Variants in ZNF74 observed in about 807,000 individuals in gnomAD.
ZNF74 encodes zinc finger protein 520.
Under a neutral mutation model 17.7 loss-of-function variants are expected in ZNF74, and 12 were observed. The ratio of observed to expected loss-of-function variants is 0.68; its 90% CI spans 0.43 to 1.10. The LOEUF is 1.10. Ranked by LOEUF, ZNF74 falls within the 50% of genes least tolerant of loss-of-function variation. The pLI is 0.00. For missense variants in ZNF74, 811 were observed against 881.0 expected (o/e 0.92, Z 1.01); for synonymous variants, 358 against 362.1 (o/e 0.99, Z 0.13).
rs2052437651 is a variant in ZNF74, at chr22:20,406,852, G to C, written c.1819G>C (p.Asp607His). 1 of 1,613,998 alleles carries C rather than the reference G, an allele frequency of 6.2e-7. No individual in the cohort carries two copies. Among genetic ancestry groups the C allele is most frequent in the African/African-American group, 1.3e-5 (1 of 74,934 alleles). Residue 607 changes from aspartate (D) to histidine (H), a missense_variant, in exon 5 of 5, where the codon GAT (aspartate) becomes CAT (histidine). Around this residue, in one of 3 missense-constraint regions of ZNF74, gnomAD observed 115 missense variants for 119.5 expected, o/e 0.96. Transcript: ENST00000400451. The part of the protein sequence containing the change: ...YVPGSLLGAG[D>H]AGLRDVDPID... ...GCCTGGCAGCCTGCTGGGTGCAGGG[G>C]ATGCTGGACTGAGGGACGTGGATCC...
rs1159190798 is a variant in ZNF74 at position 20,406,794 on chromosome 22, G to A, written c.1761G>A (p.Gln587=). The A allele has an allele frequency of 3.7e-6, 6 of 1,614,000 alleles. No individual in the cohort carries two copies. Among genetic ancestry groups the A allele is most frequent in the Admixed American group, 3.3e-5 (2 of 60,004 alleles). The change falls in exon 5 of 5, where the codon CAG becomes CAA. Residue 587 remains glutamine, a synonymous_variant. Transcript: ENST00000400451. ...LHSEGKPLAI[Q]FNKHLLSTYY... Reference sequence around the variant, plus strand: ...GCGAGGGGAAGCCCTTGGCCATCCAGTTCAACAAACACCTGCTCAGCACAT... The same window carrying A: ...GCGAGGGGAAGCCCTTGGCCATCCAATTCAACAAACACCTGCTCAGCACAT...
chr22:20,394,767 T>TA, intron 1 of ZNF74, 105 bp downstream of exon 1: 1 of 1,240,886 alleles, frequency 8.1e-7, no homozygotes, highest in Non-Finnish European at 1.2e-6. Flanking sequence ...GCATCTTTTT[T>TA]TTTTTTTTTA....
chr22:20,397,991 T>C (rs1052127308), intron 2 of ZNF74, among the ~76,000 whole-genome samples: 1 of 152,182 alleles, frequency 6.6e-6, no homozygotes, highest in Non-Finnish European at 1.5e-5. Flanking sequence ...GCCCACTGCA[T>C]TGAATTCATT....
chr22:20,404,774 C>G (rs1190810140), intron 4 of ZNF74, among the ~76,000 whole-genome samples: 1 of 152,100 alleles, frequency 6.6e-6, no homozygotes, highest in South Asian at 2.1e-4. Context: ...TGTGGGGAGC[C>G]CTTTTTTCCT....
intron 1 of ZNF74, 99 bp downstream of exon 1, chr22:20,394,761 C>CTTTTTTT: frequency 2.2e-6 from 2 of 910,088 alleles, no homozygotes; most frequent in Non-Finnish European, 3.3e-6. Flanking sequence ...CATCCAGCAT[C>CTTTTTTT]TTTTTTTTTT....
chr22:20,398,362 A>G (rs1268817546), intron 2 of ZNF74, among the ~76,000 whole-genome samples: 1 of 150,302 alleles, frequency 6.7e-6, no homozygotes, highest in Non-Finnish European at 1.5e-5. Flanking sequence ...GTTACCAAGC[A>G]TTGAGACATA....
chr22:20,404,261 G>A (rs369269305), intron 4 of ZNF74, among the ~76,000 whole-genome samples: 62 of 152,352 alleles, frequency 4.1e-4, no homozygotes, highest in African/African-American at 1.5e-3. Flanking sequence ...TGACAGAGGA[G>A]ACACATCCAA....
chr22:20,405,401 C>A lies in ZNF74; in HGVS notation c.368C>A (p.Ser123Tyr), dbSNP rs1326442509. ...CPEWELKAVP[S>Y]QQQGICKEEP... ...GAATGGGAGCTGAAGGCGGTGCCCT[C>A]TCAACAGCAGGGCATTTGCAAAGAA... The change falls in exon 5 of 5, where the codon TCT (serine) becomes TAT (tyrosine). Residue 123 changes from serine (S) to tyrosine (Y), a missense_variant. This residue lies in a region of ZNF74 where 666 missense variants were observed against 702.3 expected (regional missense o/e 0.95). Coordinates refer to ENST00000400451, the MANE Select transcript of ZNF74 (RefSeq NM_003426.4). 7 of 1,611,474 alleles carry A rather than the reference C, an allele frequency of 4.3e-6. No individual in the cohort carries two copies.
At chr22:20,395,485 C>G (rs941870112) in intron 2 of ZNF74, 67 bp downstream of exon 2, 1 of 1,299,662 alleles carries the variant, frequency 7.7e-7, no homozygotes, top group African/African-American at 1.4e-5. Context: ...AGCCCTGGAT[C>G]GTCAGCCTTC....
chr22:20,394,515 G>T lies in ZNF74; in HGVS notation c.-114G>T, dbSNP rs1389013586. ...CTGTGAGCGCGTGGCCGCCCCGCGG[G>T]GCTCCGCTGCAGGCCCCTCAGCCCC... On this transcript the variant is annotated 5_prime_UTR_variant, in exon 1 of 5. Transcript: ENST00000400451. 1.8e-6 allele frequency: 2 copies of T among 1,139,664 alleles called. No homozygotes were observed. Among genetic ancestry groups the T allele is most frequent in the Admixed American group, 2.1e-5 (1 of 48,090 alleles). The allele number at this position is 1,139,664 out of a possible 1,614,324, so 70.6% of individuals were successfully genotyped here.
At chr22:20,397,185 C>A (rs2052304825) in intron 2 of ZNF74, among the ~76,000 whole-genome samples, 1 of 151,946 alleles carries the variant, frequency 6.6e-6, no homozygotes, top group Non-Finnish European at 1.5e-5. Flanking sequence ...CAAGCAAATC[C>A]CCCACCTCGG....
chr22:20,396,767 T>C (rs2052298444), intron 2 of ZNF74, among the ~76,000 whole-genome samples: 1 of 152,220 alleles, frequency 6.6e-6, no homozygotes, highest in Non-Finnish European at 1.5e-5. Flanking sequence ...CAGTTCAAGT[T>C]GTTCTGTCTC....
chr22:20,394,761 CT>C (rs112010963), intron 1 of ZNF74, 99 bp downstream of exon 1: 110,267 of 891,774 alleles, frequency 0.12, 355 homozygotes, highest in East Asian at 0.17. Flanking sequence ...CATCCAGCAT[CT>C]TTTTTTTTTT....
chr22:20,399,475 C>T, intron 2 of ZNF74: 1 of 251,796 alleles, frequency 4.0e-6, no homozygotes, highest in Non-Finnish European at 7.9e-6. Flanking sequence ...CTGTAGCTTG[C>T]TTTTTGAATT....
At position 20,406,484 on chromosome 22, in the gene ZNF74, A is replaced by G. The variant is rs1015862957; in HGVS notation, c.1451A>G (p.His484Arg). The change falls in exon 5 of 5, where the codon CAC becomes CGC. Residue 484 changes from histidine to arginine, a missense_variant. Around this residue, in one of 3 missense-constraint regions of ZNF74, gnomAD observed 666 missense variants for 702.3 expected, o/e 0.95. Transcript: ENST00000400451. ...CNECGKAFSSHAYLIVHRRIH... is the reference protein window; with the variant it reads ...CNECGKAFSSRAYLIVHRRIH... The stretch of plus-strand genomic sequence containing the variant: ...GAGTGCGGCAAAGCCTTCAGCTCCC[A>G]CGCCTACCTCATCGTGCACCGGCGC... 4 of 1,612,410 alleles carry G rather than the reference A, an allele frequency of 2.5e-6. No individual in the cohort carries two copies. Among genetic ancestry groups the G allele is most frequent in the African/African-American group, 2.7e-5 (2 of 74,366 alleles).
chr22:20,397,199 C>T (rs770098409), intron 2 of ZNF74, among the ~76,000 whole-genome samples: 5 of 152,088 alleles, frequency 3.3e-5, no homozygotes, highest in African/African-American at 7.2e-5. Flanking sequence ...ACCTCGGCCT[C>T]CTAAGTAGTT....
At chr22:20,398,208 T>C (rs2052317117) in intron 2 of ZNF74, among the ~76,000 whole-genome samples, 1 of 151,580 alleles carries the variant, frequency 6.6e-6, no homozygotes, top group Non-Finnish European at 1.5e-5. Flanking sequence ...TCCTAGCTAC[T>C]CAGGAGGCTG....
Position 20,406,184 on chromosome 22 carries a change from G to C in ZNF74, c.1151G>C (p.Gly384Ala). ...ACACGCCACCACCGCATCCACACGG[G>C]CGAGAAGCCCTACCAGTGCGGCTCC... ...HLTRHHRIHT[G>A]EKPYQCGSCG... The change falls in exon 5 of 5, where the codon GGC (glycine) becomes GCC (alanine). Residue 384 changes from glycine (G) to alanine (A), a missense_variant. By Grantham distance (60) the Gly-to-Ala change is moderately conservative. This residue lies in a region of ZNF74 where 666 missense variants were observed against 702.3 expected (regional missense o/e 0.95). Coordinates refer to ENST00000400451, the MANE Select transcript of ZNF74 (RefSeq NM_003426.4). 1 of 1,613,756 alleles carries C rather than the reference G, an allele frequency of 6.2e-7. No individual in the cohort carries two copies. Among genetic ancestry groups the C allele is most frequent in the East Asian group, 2.2e-5 (1 of 44,870 alleles).
rs2052351160 is a variant in ZNF74 at position 20,401,006 on chromosome 22, G to A, written c.247+248G>A. ...TGGTCCTGGGATAGGGGCAGGGAGA[G>A]AAGAGAAGAAGGTGGGACCCTGGAG... On this transcript the variant is annotated intron_variant, in intron 3 of 4. Transcript: ENST00000400451. This position sits in a 1 kb window ranked among gnomAD's most constrained non-coding sequence, Gnocchi z 4.2. The A allele has an allele frequency of 1.7e-6, 1 of 597,982 alleles. No homozygotes were observed. Among genetic ancestry groups the A allele is most frequent in the African/African-American group, 1.9e-5 (1 of 53,878 alleles). The allele number at this position is 597,982 out of a possible 1,614,324, so 37.0% of individuals were successfully genotyped here.
Sources: gnomAD v4.1 joint callset for allele counts (sites outside exome capture counted in the v4.1 genomes callset) on GRCh38, gnomAD v4.1.1 for gene constraint, gnomAD v4.1.1 regional missense constraint, Gnocchi (gnomAD v3.1) non-coding constraint, MANE v1.5 for transcripts, NCBI Gene and HGNC (gene_info 2026-07-23, HGNC 2026-07-21) for gene names.